CDH8: variants seen among roughly 807,000 people sequenced by gnomAD.
CDH8 encodes the protein cadherin-8.
A neutral mutation model predicts 68.1 loss-of-function variants in CDH8; 17 were observed. The ratio of observed to expected loss-of-function variants is 0.25; its 90% confidence interval spans 0.17 to 0.37. CDH8 has a LOEUF of 0.37. Ranked by LOEUF, CDH8 falls within the 10% of genes least tolerant of loss-of-function variation. The pLI, the probability that CDH8 is intolerant of heterozygous loss-of-function variation, is 1.00. For missense variants in CDH8, 763 were observed against 999.3 expected, an observed-to-expected ratio of 0.76 and a Z score of 3.19; for synonymous variants, 372 against 365.1, an observed-to-expected ratio of 1.02 and a Z score of -0.21.
chr16:61,846,962 A>G (rs773054439), intron 4 of CDH8, among the ~76,000 whole-genome samples: 50 of 152,124 alleles, frequency 3.3e-4, no homozygotes, highest in Non-Finnish European at 2.4e-4. Context: ...TTCCTGGTCC[A>G]CTATCAACAA....
chr16:61,752,275 T>C (rs769527633), intron 8 of CDH8, among the ~76,000 whole-genome samples: 8 of 152,166 alleles, frequency 5.3e-5, no homozygotes, highest in Non-Finnish European at 1.0e-4. Context: ...GCAGAGACTC[T>C]AAAAGAAGGG....
intron 8 of CDH8, among the ~76,000 whole-genome samples, chr16:61,783,694 C>T (rs7498454): frequency 0.35 from 52,746 of 149,686 alleles, 9,556 homozygotes; most frequent in Middle Eastern, 0.45. Flanking sequence ...AGAGAAAGGT[C>T]GGGTTACCCT....
intron 8 of CDH8, among the ~76,000 whole-genome samples, chr16:61,729,261 CA>C (rs141582535): frequency 0.035 from 5,233 of 150,668 alleles, 296 homozygotes; most frequent in African/African-American, 0.12. Flanking sequence ...TGATGAAGTC[CA>C]AAAAAATACA....
intron 3 of CDH8, among the ~76,000 whole-genome samples, chr16:61,862,299 T>G (rs1963165359): frequency 6.6e-6 from 1 of 152,160 alleles, no homozygotes; most frequent in Admixed American, 6.5e-5. Flanking sequence ...ATGTAAAAGC[T>G]TATACATTAA....
At chr16:61,783,885 C>T (rs1043666626) in intron 8 of CDH8, among the ~76,000 whole-genome samples, 28 of 152,150 alleles carry the variant, frequency 1.8e-4, no homozygotes, top group African/African-American at 6.8e-4. Context: ...CAAGCAAATG[C>T]TGACAGATTT....
At chr16:61,863,472 A>G (rs1219384964) in intron 3 of CDH8, among the ~76,000 whole-genome samples, 2 of 152,190 alleles carry the variant, frequency 1.3e-5, no homozygotes, top group African/African-American at 4.8e-5. Context: ...CAGCTGTGTT[A>G]GCGAGGCTAT....
At chr16:61,736,484 A>G (rs1207980312) in intron 8 of CDH8, among the ~76,000 whole-genome samples, 1 of 152,180 alleles carries the variant, frequency 6.6e-6, no homozygotes. Context: ...TAAGTAGATG[A>G]ATGTTTATCC....
chr16:61,812,601 C>A (rs554764206), intron 7 of CDH8, among the ~76,000 whole-genome samples: 17 of 152,110 alleles, frequency 1.1e-4, no homozygotes, highest in Non-Finnish European at 1.8e-4. Context: ...AAAAAAATGG[C>A]CCACAGCAGA....
In CDH8 at chr16:62,012,644, A is replaced by C. The variant is rs1020795703; in HGVS notation, c.252+8508T>G. On this transcript the variant is annotated intron_variant, in intron 2 of 11. Coordinates refer to ENST00000577390, the MANE Select transcript of CDH8 (RefSeq NM_001796.5). ...TTTACATTTTAATAAAAGCATATTA[A>C]GAAAATAAAATGCAGAAAATTATTT... is the stretch of plus-strand genomic sequence containing the variant. 2.6e-5 allele frequency among the ~76,000 whole-genome samples: 4 copies of C among 152,336 alleles called. No individual in the cohort carries two copies. In the South Asian group the frequency reaches 6.2e-4, roughly 24 times the overall value.
chr16:61,784,389 A>T (rs1439266608), intron 8 of CDH8, among the ~76,000 whole-genome samples: 1 of 149,766 alleles, frequency 6.7e-6, no homozygotes, highest in African/African-American at 2.4e-5. Flanking sequence ...AGAGCTAACT[A>T]TCCTAAATAT....
At chr16:61,679,878 T>C (rs1022822797) in intron 10 of CDH8, among the ~76,000 whole-genome samples, 1 of 151,964 alleles carries the variant, frequency 6.6e-6, no homozygotes, top group African/African-American at 2.4e-5. Flanking sequence ...CATTGTAGTC[T>C]ATGCCATGGT....
chr16:61,977,441 C>T (rs1335796981), intron 2 of CDH8, among the ~76,000 whole-genome samples: 1 of 152,168 alleles, frequency 6.6e-6, no homozygotes, highest in African/African-American at 2.4e-5. Flanking sequence ...GAAACGATTT[C>T]TCCCCATGAT....
intron 1 of CDH8, among the ~76,000 whole-genome samples, chr16:62,021,930 C>G (rs929331420): frequency 7.9e-5 from 12 of 152,058 alleles, no homozygotes; most frequent in African/African-American, 2.9e-4. Context: ...CCTCCTCTGT[C>G]CATCCCTTCC....
chr16:61,911,091 G>A (rs1352858340), intron 2 of CDH8, among the ~76,000 whole-genome samples: 1 of 152,126 alleles, frequency 6.6e-6, no homozygotes, highest in Non-Finnish European at 1.5e-5. Flanking sequence ...GGGCAAGAGT[G>A]TGAGTGAATA....
chr16:61,836,607 C>T (rs1962575039), intron 4 of CDH8, among the ~76,000 whole-genome samples: 1 of 151,946 alleles, frequency 6.6e-6, no homozygotes, highest in Non-Finnish European at 1.5e-5. Flanking sequence ...AAAAGCACAG[C>T]TATTTCAATG....
chr16:61,779,396 G>A (rs557118996), intron 8 of CDH8, among the ~76,000 whole-genome samples: 19 of 148,290 alleles, frequency 1.3e-4, no homozygotes, highest in East Asian at 4.1e-4. Flanking sequence ...GCCTCCCTTT[G>A]CAGTATTGTC....
At chr16:61,988,509 G>A (rs992262293) in intron 2 of CDH8, among the ~76,000 whole-genome samples, 4 of 152,068 alleles carry the variant, frequency 2.6e-5, no homozygotes, top group African/African-American at 7.2e-5. Context: ...TGATAACACA[G>A]CAGTTAGTGA....
intron 3 of CDH8, among the ~76,000 whole-genome samples, chr16:61,860,111 G>A (rs1567503861): frequency 1.3e-5 from 2 of 152,072 alleles, no homozygotes; most frequent in African/African-American, 4.8e-5. Flanking sequence ...AAAGTGCTGG[G>A]ATTACAGGTG....
At chr16:61,654,263 T>C (rs1015942235) in intron 11 of CDH8, among the ~76,000 whole-genome samples, 162 bp from the exon 12 acceptor site, 2 of 152,222 alleles carry the variant, frequency 1.3e-5, no homozygotes, top group Non-Finnish European at 2.9e-5. Context: ...TTCTGAAGGA[T>C]GAACATTAAA....
Sources: gnomAD v4.1 joint callset for allele counts (sites outside exome capture counted in the v4.1 genomes callset) on GRCh38, gnomAD v4.1.1 for gene constraint, MANE v1.5 for transcripts, NCBI Gene and HGNC (gene_info 2026-07-23, HGNC 2026-07-21) for gene names.